BBS9: variants seen among roughly 807,000 people sequenced by gnomAD.
The protein encoded by BBS9 is protein PTHB1.
A neutral mutation model predicts 117.7 loss-of-function variants in BBS9; 89 were observed. The observed-to-expected ratio is 0.76, with a 90% CI of 0.64 to 0.90. The LOEUF is 0.90. Among genes scored for constraint, BBS9 ranks in the 40% least tolerant of loss-of-function variants. The pLI is 0.00. For missense variants in BBS9, 982 were observed against 1,042.2 expected (o/e 0.94, Z 0.80); for synonymous variants, 379 against 370.9 (o/e 1.02, Z -0.25).
intron 21 of BBS9, among the ~76,000 whole-genome samples, chr7:33,544,285 A>G (rs972744385): frequency 3.9e-5 from 6 of 152,102 alleles, no homozygotes; most frequent in East Asian, 1.9e-4. Flanking sequence ...TCATATTACC[A>G]GTGTTGGTTT....
chr7:33,273,073 A>T lies in BBS9; in HGVS notation c.764A>T (p.Gln255Leu). The part of the protein sequence containing the change: ...ALDICIVSFN[Q>L]SASSVFVLGE... ...GACATATGTATTGTCTCTTTCAATC[A>T]GTCGGCATCCTCTGTTTTTGTTCTT... The change falls in exon 8 of 23, where the codon CAG becomes CTG. Residue 255 changes from glutamine to leucine, a missense_variant. Transcript: ENST00000242067. The T allele has an allele frequency of 6.2e-7, 1 of 1,613,804 alleles. No homozygotes were observed. Among genetic ancestry groups the T allele is most frequent in the Non-Finnish European group, 8.5e-7 (1 of 1,179,802 alleles).
intron 11 of BBS9, among the ~76,000 whole-genome samples, chr7:33,342,685 A>G (rs1816791921): frequency 6.6e-6 from 1 of 152,118 alleles, no homozygotes; most frequent in African/African-American, 2.4e-5. Context: ...TAGCCCTACA[A>G]TTTATGTGGC....
intron 19 of BBS9, among the ~76,000 whole-genome samples, chr7:33,490,045 A>G (rs1399312171): frequency 1.3e-5 from 2 of 152,224 alleles, no homozygotes; most frequent in Non-Finnish European, 2.9e-5. Context: ...GAGGATTCCA[A>G]TTTGAACTGT....
At chr7:33,371,961 A>G (rs73688166) in intron 17 of BBS9, among the ~76,000 whole-genome samples, 2,461 of 152,300 alleles carry the variant, frequency 0.016, 75 homozygotes, top group African/African-American at 0.057. Flanking sequence ...ATCATAATGG[A>G]CTACCAAATC....
At chr7:33,201,487 C>T (rs1326154746) in intron 5 of BBS9, among the ~76,000 whole-genome samples, 1 of 152,116 alleles carries the variant, frequency 6.6e-6, no homozygotes, top group Non-Finnish European at 1.5e-5. Context: ...TACGTCATCC[C>T]ACTTTCTGTG....
chr7:33,471,312 G>T (rs1278090485), intron 19 of BBS9, among the ~76,000 whole-genome samples: 1 of 152,204 alleles, frequency 6.6e-6, no homozygotes, highest in African/African-American at 2.4e-5. Flanking sequence ...AGTTTAAAAA[G>T]AGTTGGCCAA....
chr7:33,351,785 G>A (rs1170378368), intron 14 of BBS9: 3 of 253,338 alleles, frequency 1.2e-5, no homozygotes, highest in South Asian at 4.7e-5. Context: ...TCCCACACCT[G>A]AGCTGATGAG....
chr7:33,610,070 TAC>T (rs1864779583), downstream of BBS9, among the ~76,000 whole-genome samples: 1 of 152,058 alleles, frequency 6.6e-6, no homozygotes, highest in African/African-American at 2.4e-5. Context: ...CATATGACCA[TAC>T]ACCTGGGCAA....
chr7:33,525,174 G>C (rs1395589808), intron 20 of BBS9, among the ~76,000 whole-genome samples: 1 of 151,998 alleles, frequency 6.6e-6, no homozygotes, highest in Non-Finnish European at 1.5e-5. Flanking sequence ...CCAAGTATGT[G>C]GTCAATTTTG....
At chr7:33,473,898 C>T (rs879689651) in intron 19 of BBS9, among the ~76,000 whole-genome samples, 24 of 152,286 alleles carry the variant, frequency 1.6e-4, no homozygotes, top group African/African-American at 5.1e-4. Context: ...TCTCTAGAAC[C>T]TAGTCCAATG....
chr7:33,633,870 T>C (rs1866014854), intron 21 of BBS9, among the ~76,000 whole-genome samples: 1 of 152,214 alleles, frequency 6.6e-6, no homozygotes, highest in Non-Finnish European at 1.5e-5. Context: ...ATCAGAACTG[T>C]TTCCCTATCC....
chr7:33,262,639 C>A (rs1798146012), intron 6 of BBS9, among the ~76,000 whole-genome samples: 2 of 152,182 alleles, frequency 1.3e-5, no homozygotes, highest in Admixed American at 1.3e-4. Flanking sequence ...CATGGTCTTA[C>A]AAGGCTGAGA....
chr7:33,356,168 A>G (rs1335299069), intron 15 of BBS9, among the ~76,000 whole-genome samples: 1 of 151,904 alleles, frequency 6.6e-6, no homozygotes. Context: ...ATTAATTGAT[A>G]CAATCTGAAA....
chr7:33,546,653 A>AC, intron 21 of BBS9, among the ~76,000 whole-genome samples: 1 of 152,068 alleles, frequency 6.6e-6, no homozygotes, highest in East Asian at 1.9e-4. Flanking sequence ...TCCACACACA[A>AC]CATGCATTTC....
intron 9 of BBS9, among the ~76,000 whole-genome samples, chr7:33,277,566 G>A (rs750542748): frequency 1.3e-5 from 2 of 152,172 alleles, no homozygotes; most frequent in Non-Finnish European, 2.9e-5. Context: ...ACACCACACT[G>A]AAGAGGGACT....
chr7:33,265,145 A>G (rs778378007), intron 7 of BBS9, among the ~76,000 whole-genome samples: 7 of 152,354 alleles, frequency 4.6e-5, no homozygotes, highest in Admixed American at 2.0e-4. Flanking sequence ...TGGTGGAAAC[A>G]GTGAAATAAA....
intron 15 of BBS9, among the ~76,000 whole-genome samples, chr7:33,357,350 C>G (rs549394274): frequency 4.0e-5 from 6 of 151,614 alleles, no homozygotes; most frequent in Non-Finnish European, 7.4e-5. Context: ...GCAAATCTTG[C>G]TTTCATGTTC....
At chr7:33,620,930 C>T (rs541207982) in intron 21 of BBS9, among the ~76,000 whole-genome samples, 173 of 152,236 alleles carry the variant, frequency 1.1e-3, no homozygotes, top group African/African-American at 4.1e-3. Flanking sequence ...AGAAATAATT[C>T]CATGTGTTTA....
intron 4 of BBS9, among the ~76,000 whole-genome samples, chr7:33,164,965 A>G (rs1795432556): frequency 6.6e-6 from 1 of 152,076 alleles, no homozygotes; most frequent in Non-Finnish European, 1.5e-5. Flanking sequence ...GGTGGCTGAT[A>G]CCGGTCTTTC....
Sources: allele counts gnomAD v4.1 joint callset (sites outside exome capture counted in the v4.1 genomes callset), GRCh38; gene constraint gnomAD v4.1.1; transcripts MANE v1.5; gene names NCBI Gene and HGNC (gene_info 2026-07-23, HGNC 2026-07-21).